The following SV2C variants were observed in gnomAD, a reference collection of about 807,000 sequenced individuals.
The protein encoded by SV2C is synaptic vesicle glycoprotein 2C.
SV2C carries 49 observed loss-of-function variants against 79.7 expected under a neutral mutation model. The ratio of observed to expected loss-of-function variants is 0.61; its 90% CI spans 0.49 to 0.78. The LOEUF is 0.78. Ranked by LOEUF, SV2C falls within the 30% of genes least tolerant of loss-of-function variation. The probability of loss-of-function intolerance (pLI) is 0.00; values close to 1 mark genes in which losing one functional copy is unlikely to be tolerated. For synonymous variants in SV2C, 334 were observed against 333.2 expected (o/e 1.00, Z -0.03); for missense variants, 833 against 912.9 (o/e 0.91, Z 1.13).
the SV2C span, among the ~76,000 whole-genome samples, chr5:75,949,671 G>C: frequency 1.3e-5 from 2 of 151,842 alleles, no homozygotes; most frequent in African/African-American, 4.8e-5. Context: ...ATTTTTTCTT[G>C]TCTGCCACCA....
At chr5:76,341,821 G>T (rs1263052773) in intron 12 of SV2C, among the ~76,000 whole-genome samples, 1 of 152,052 alleles carries the variant, frequency 6.6e-6, no homozygotes, top group South Asian at 2.1e-4. Flanking sequence ...GGCATGTGGT[G>T]ATCATGGGAG....
the SV2C span, among the ~76,000 whole-genome samples, chr5:75,954,403 A>G: frequency 2.0e-5 from 3 of 152,094 alleles, no homozygotes; most frequent in Non-Finnish European, 2.9e-5. Flanking sequence ...CGTCCCATCA[A>G]TACCTAATTT....
intron 8 of SV2C, 85 bp from the exon 9 acceptor site, chr5:76,295,693 T>A: frequency 7.3e-7 from 1 of 1,365,486 alleles, no homozygotes. Context: ...CCGGGAACTA[T>A]TACCAGTCTG....
At chr5:76,266,603 A>G (rs1746664408) in intron 4 of SV2C, among the ~76,000 whole-genome samples, 1 of 152,214 alleles carries the variant, frequency 6.6e-6, no homozygotes, top group African/African-American at 2.4e-5. Flanking sequence ...GCTCCCTAGA[A>G]TAGGCAAATT....
the SV2C span, among the ~76,000 whole-genome samples, chr5:76,015,862 A>G: frequency 2.0e-5 from 3 of 152,136 alleles, no homozygotes; most frequent in Non-Finnish European, 4.4e-5. Flanking sequence ...CAAACTATGT[A>G]TAAAATTATT....
At chr5:76,148,174 A>G (rs1363674353) in intron 2 of SV2C, among the ~76,000 whole-genome samples, 1 of 152,190 alleles carries the variant, frequency 6.6e-6, no homozygotes, top group Non-Finnish European at 1.5e-5. Context: ...GAGTGGGCTA[A>G]GGACACTGGA....
chr5:75,958,357 A>T, the SV2C span, among the ~76,000 whole-genome samples: 1 of 151,534 alleles, frequency 6.6e-6, no homozygotes, highest in Admixed American at 6.6e-5. Context: ...TCTGGATGAA[A>T]CCCTCATCAC....
At chr5:76,006,428 G>A in the SV2C span, among the ~76,000 whole-genome samples, 1 of 152,112 alleles carries the variant, frequency 6.6e-6, no homozygotes, top group Admixed American at 6.6e-5. Flanking sequence ...GTACAATATG[G>A]GGGCAGTTCA....
the SV2C span, among the ~76,000 whole-genome samples, chr5:76,008,773 A>G: frequency 1.3e-5 from 2 of 152,082 alleles, no homozygotes; most frequent in Admixed American, 6.6e-5. Context: ...CACTTATCCA[A>G]TCTAAACCCT....
intron 6 of SV2C, among the ~76,000 whole-genome samples, chr5:76,287,806 G>A (rs1580027458): frequency 6.6e-6 from 1 of 152,276 alleles, no homozygotes; most frequent in South Asian, 2.1e-4. Context: ...ACTAAAAATG[G>A]CCAGGCGTGG....
intron 4 of SV2C, among the ~76,000 whole-genome samples, chr5:76,257,618 A>T (rs576962985): frequency 6.9e-6 from 1 of 145,236 alleles, no homozygotes; most frequent in East Asian, 2.1e-4. Context: ...AGCAGATGGT[A>T]GTGTGTGTGG....
At chr5:75,892,610 G>A in the SV2C span, among the ~76,000 whole-genome samples, 1 of 151,908 alleles carries the variant, frequency 6.6e-6, no homozygotes, top group Non-Finnish European at 1.5e-5. Flanking sequence ...GTAGTCCCCA[G>A]TGTCTCTTAT....
At chr5:76,262,940 A>G (rs1314332820) in intron 4 of SV2C, among the ~76,000 whole-genome samples, 1 of 152,228 alleles carries the variant, frequency 6.6e-6, no homozygotes, top group Non-Finnish European at 1.5e-5. Flanking sequence ...GTAGATGTCT[A>G]TTAGGTCCAC....
the SV2C span, among the ~76,000 whole-genome samples, chr5:76,042,941 T>G: frequency 6.6e-6 from 1 of 152,248 alleles, no homozygotes; most frequent in Non-Finnish European, 1.5e-5. Context: ...TCTTCTCCCT[T>G]GAACCTAGAT....
At chr5:76,017,784 G>A in the SV2C span, among the ~76,000 whole-genome samples, 1 of 152,156 alleles carries the variant, frequency 6.6e-6, no homozygotes, top group South Asian at 2.1e-4. Context: ...AAATTGACTT[G>A]CTGCTGTTTC....
chr5:75,896,055 T>A, the SV2C span, among the ~76,000 whole-genome samples: 1 of 151,984 alleles, frequency 6.6e-6, no homozygotes, highest in African/African-American at 2.4e-5. Context: ...GATAGTTCTT[T>A]TTTTATTTTA....
chr5:76,171,555 T>C (rs1488253407), intron 2 of SV2C, among the ~76,000 whole-genome samples: 7 of 142,046 alleles, frequency 4.9e-5, no homozygotes, highest in Non-Finnish European at 7.9e-5. Context: ...AGCCACCCCA[T>C]CTGGGAAGTG....
chr5:75,950,661 C>T, the SV2C span, among the ~76,000 whole-genome samples: 568 of 151,968 alleles, frequency 3.7e-3, 3 homozygotes, highest in African/African-American at 0.013. Flanking sequence ...ATTTTAGTTG[C>T]TAAAATTGCC....
At chr5:76,026,104 C>T in the SV2C span, among the ~76,000 whole-genome samples, 1 of 151,786 alleles carries the variant, frequency 6.6e-6, no homozygotes, top group Admixed American at 6.6e-5. Context: ...ATGGATAATG[C>T]ATCTCAGGTG....
Sources: allele counts gnomAD v4.1 joint callset (sites outside exome capture counted in the v4.1 genomes callset), GRCh38; gene constraint gnomAD v4.1.1; transcripts MANE v1.5; gene names NCBI Gene and HGNC (gene_info 2026-07-23, HGNC 2026-07-21).